The following CADM2 variants were observed in gnomAD, a reference collection of about 807,000 sequenced individuals.
The protein encoded by CADM2 is immunoglobulin superfamily member 4D.
CADM2 carries 12 observed loss-of-function variants against 49.8 expected under a neutral mutation model. That is an observed-to-expected ratio of 0.24 (90% CI 0.15 to 0.39). The LOEUF (loss-of-function observed/expected upper bound fraction) is 0.39. CADM2 is among the 10% of genes least tolerant of loss of function. CADM2 has a pLI of 1.00. For synonymous variants in CADM2, 214 were observed against 175.4 expected, an observed-to-expected ratio of 1.22 and a Z score of -1.74; for missense variants, 378 against 492.3, an observed-to-expected ratio of 0.77 and a Z score of 2.20.
At chr3:85,758,748 A>T (rs2069236176) in intron 2 of CADM2, among the ~76,000 whole-genome samples, 1 of 152,054 alleles carries the variant, frequency 6.6e-6, no homozygotes, top group African/African-American at 2.4e-5. Context: ...TGGCTATTAT[A>T]TTGCCAATTT....
At chr3:85,293,049 T>C (rs2043848213) in intron 1 of CADM2, among the ~76,000 whole-genome samples, 1 of 151,358 alleles carries the variant, frequency 6.6e-6, no homozygotes, top group Non-Finnish European at 1.5e-5. Flanking sequence ...CTAGCAAGAC[T>C]AAGAGAAAAA....
chr3:85,460,065 C>T (rs988590113), intron 1 of CADM2, among the ~76,000 whole-genome samples: 5 of 152,092 alleles, frequency 3.3e-5, no homozygotes, highest in African/African-American at 1.2e-4. Context: ...TCTCTTCTAC[C>T]TCAGCTATTC....
intron 1 of CADM2, among the ~76,000 whole-genome samples, chr3:85,326,204 T>A (rs191856085): frequency 2.6e-5 from 4 of 152,142 alleles, no homozygotes; most frequent in Non-Finnish European, 5.9e-5. Context: ...AAGTAAACAG[T>A]CTTCATTTCA....
intron 8 of CADM2, among the ~76,000 whole-genome samples, chr3:86,063,450 C>T (rs1738932972): frequency 6.6e-6 from 1 of 152,136 alleles, no homozygotes; most frequent in South Asian, 2.1e-4. Flanking sequence ...CCCTGAAGAA[C>T]CTGGATTCTC....
intron 1 of CADM2, among the ~76,000 whole-genome samples, chr3:85,296,825 T>C (rs915880648): frequency 3.9e-5 from 6 of 152,138 alleles, no homozygotes; most frequent in African/African-American, 1.4e-4. Flanking sequence ...TGTATACCCT[T>C]ATCTTTTGAA....
intron 1 of CADM2, among the ~76,000 whole-genome samples, chr3:85,142,101 A>G (rs2039594533): frequency 6.6e-6 from 1 of 152,254 alleles, no homozygotes. Context: ...AGGTAGTATT[A>G]GATTGGTGCA....
intron 1 of CADM2, among the ~76,000 whole-genome samples, chr3:85,378,414 A>G (rs1268681135): frequency 6.6e-6 from 1 of 151,958 alleles, no homozygotes; most frequent in African/African-American, 2.4e-5. Context: ...TCTTTTCTAA[A>G]GCCTGCTGCT....
chr3:85,129,100 G>A (rs116303233), intron 1 of CADM2, among the ~76,000 whole-genome samples: 7 of 152,140 alleles, frequency 4.6e-5, no homozygotes, highest in Non-Finnish European at 7.4e-5. Context: ...TTGCAGTCGT[G>A]GCACTGAAAC....
chr3:84,967,948 G>A (rs1258987906), intron 1 of CADM2, among the ~76,000 whole-genome samples: 1 of 151,942 alleles, frequency 6.6e-6, no homozygotes, highest in African/African-American at 2.4e-5. Context: ...ACAGAGAAAG[G>A]CCTGGCAAAG....
intron 1 of CADM2, among the ~76,000 whole-genome samples, chr3:85,714,860 A>G (rs762536614): frequency 1.3e-5 from 2 of 152,056 alleles, no homozygotes; most frequent in Non-Finnish European, 2.9e-5. Context: ...CTTTACATCA[A>G]TGAGTACTAG....
intron 1 of CADM2, among the ~76,000 whole-genome samples, chr3:85,236,028 T>C (rs1458965815): frequency 6.6e-6 from 1 of 152,076 alleles, no homozygotes; most frequent in African/African-American, 2.4e-5. Context: ...AGTGGAGCCC[T>C]GGCTGGCCTA....
intron 1 of CADM2, among the ~76,000 whole-genome samples, chr3:85,172,995 AC>A (rs1295401133): frequency 6.9e-6 from 1 of 145,198 alleles, no homozygotes; most frequent in Non-Finnish European, 1.5e-5. Context: ...AATATCTAAT[AC>A]CTTTTTTTTT....
intron 1 of CADM2, among the ~76,000 whole-genome samples, chr3:85,507,608 A>G (rs1319524853): frequency 6.6e-6 from 1 of 152,216 alleles, no homozygotes; most frequent in Non-Finnish European, 1.5e-5. Context: ...CCATTAGGCA[A>G]TCATTTCTTC....
At chr3:85,100,823 T>C (rs959685134) in intron 1 of CADM2, among the ~76,000 whole-genome samples, 3 of 152,212 alleles carry the variant, frequency 2.0e-5, no homozygotes, top group African/African-American at 7.2e-5. Flanking sequence ...AAAATTACTT[T>C]CAATGATGTC....
intron 1 of CADM2, among the ~76,000 whole-genome samples, chr3:85,413,138 C>CAAAAAAAAAAAAAA (rs397973777): frequency 1.8e-4 from 3 of 17,114 alleles, no homozygotes; most frequent in African/African-American, 5.0e-4. Context: ...GACTCCGTCT[C>CAAAAAAAAAAAAAA]AAAAAAAAAA....
chr3:85,414,736 GC>G (rs1403456745), intron 1 of CADM2, among the ~76,000 whole-genome samples: 2 of 152,054 alleles, frequency 1.3e-5, no homozygotes, highest in African/African-American at 4.8e-5. Flanking sequence ...ACCACCTCAA[GC>G]TTTTTACATT....
chr3:85,115,598 G>A (rs2038610754), intron 1 of CADM2, among the ~76,000 whole-genome samples: 1 of 152,126 alleles, frequency 6.6e-6, no homozygotes, highest in Non-Finnish European at 1.5e-5. Flanking sequence ...CCTTGAACAG[G>A]TGATTTAACC....
chr3:85,239,892 G>A (rs1412288813), intron 1 of CADM2, among the ~76,000 whole-genome samples: 1 of 151,040 alleles, frequency 6.6e-6, no homozygotes, highest in African/African-American at 2.4e-5. Flanking sequence ...TTTATGAGCT[G>A]GAAATATACT....
intron 3 of CADM2, among the ~76,000 whole-genome samples, chr3:85,864,636 G>C (rs768979401): frequency 1.3e-5 from 2 of 152,124 alleles, no homozygotes; most frequent in African/African-American, 2.4e-5. Flanking sequence ...GTAATTCCAA[G>C]TACAGTTCAA....
Sources: gnomAD v4.1 joint callset for allele counts (sites outside exome capture counted in the v4.1 genomes callset) on GRCh38, gnomAD v4.1.1 for gene constraint, MANE v1.5 for transcripts, NCBI Gene and HGNC (gene_info 2026-07-23, HGNC 2026-07-21) for gene names.